The following NVL variants were observed in gnomAD, a reference collection of about 807,000 sequenced individuals.
NVL encodes nuclear VCP like, also known as nuclear valosin-containing protein-like.
In NVL, 84 loss-of-function variants were observed where a neutral mutation model predicts 110.2. That is an observed-to-expected ratio of 0.76 (90% CI 0.64 to 0.91). The LOEUF (loss-of-function observed/expected upper bound fraction) is 0.91. Ranked by LOEUF, NVL falls within the 40% of genes least tolerant of loss-of-function variation. The pLI, the probability that NVL is intolerant of heterozygous loss-of-function variation, is 0.00. For missense variants in NVL, 882 were observed against 1,035.9 expected, an observed-to-expected ratio of 0.85 and a Z score of 2.04; for synonymous variants, 354 against 361.1, an observed-to-expected ratio of 0.98 and a Z score of 0.22.
At position 224,289,636 on chromosome 1, in the gene NVL, T is replaced by C. The variant is rs1400408901; in HGVS notation, c.1423A>G (p.Met475Val). Residue 475 changes from methionine (M) to valine (V), a missense_variant, in exon 13 of 23, where the codon ATG becomes GTG. Met to Val is a conservative substitution (Grantham distance 21, BLOSUM62 1). Coordinates refer to ENST00000281701, the MANE Select transcript of NVL (RefSeq NM_002533.4). ...ATTGCTGCCTCTCGGCACAGTGCCA[T>C]GAGATCAGCACCAACAAAGCCTGGA... ...LTPGFVGADL[M>V]ALCREAAMCA... 3.2e-6 allele frequency: 5 copies of C among 1,572,654 alleles called. No individual in the cohort carries two copies. The highest frequency in any genetic ancestry group is 1.3e-5 in the African/African-American group (1 of 74,168).
intron 18 of NVL, among the ~76,000 whole-genome samples, chr1:224,255,489 G>T (rs1029456999): frequency 2.6e-5 from 4 of 152,190 alleles, no homozygotes; most frequent in Non-Finnish European, 4.4e-5. Context: ...ACCGCGCCTG[G>T]CCTAAAATGG....
intron 2 of NVL, among the ~76,000 whole-genome samples, chr1:224,321,388 G>C (rs534003602): frequency 6.6e-6 from 1 of 152,318 alleles, no homozygotes; most frequent in African/African-American, 2.4e-5. Flanking sequence ...ACCTGGATAA[G>C]AGAAGATGGC....
chr1:224,269,037 G>A (rs561779315), intron 17 of NVL, among the ~76,000 whole-genome samples: 1 of 149,854 alleles, frequency 6.7e-6, no homozygotes, highest in East Asian at 2.0e-4. Flanking sequence ...TTTAAAGCCA[G>A]TCAAATTTAA....
chr1:224,319,072 A>T (rs1183798655), intron 2 of NVL, among the ~76,000 whole-genome samples: 1 of 136,492 alleles, frequency 7.3e-6, no homozygotes, highest in Non-Finnish European at 1.6e-5. Context: ...GGAGAATCCC[A>T]TGAACCCAGG....
chr1:224,322,954 CA>C (rs1399466132), intron 2 of NVL, among the ~76,000 whole-genome samples: 55 of 137,420 alleles, frequency 4.0e-4, no homozygotes, highest in Non-Finnish European at 3.3e-4. Context: ...ACTCCATCTC[CA>C]AAAAAAAAAA....
intron 12 of NVL, among the ~76,000 whole-genome samples, chr1:224,293,403 C>T (rs1452247194): frequency 6.6e-6 from 1 of 152,158 alleles, no homozygotes; most frequent in Non-Finnish European, 1.5e-5. Flanking sequence ...CACTCTACCA[C>T]CTCAACAGTG....
chr1:224,233,693 C>T (rs768598233), intron 20 of NVL, among the ~76,000 whole-genome samples: 4 of 151,900 alleles, frequency 2.6e-5, no homozygotes, highest in African/African-American at 4.8e-5. Flanking sequence ...CGGGAGGTGG[C>T]GGTTGCAATG....
chr1:224,243,467 A>G (rs1661440448), intron 19 of NVL, among the ~76,000 whole-genome samples: 1 of 152,072 alleles, frequency 6.6e-6, no homozygotes, highest in Admixed American at 6.6e-5. Flanking sequence ...TCTCAACAAC[A>G]ACAACAACAA....
intron 1 of NVL, 124 bp downstream of exon 1, chr1:224,329,947 C>T (rs1161333859): frequency 2.1e-6 from 2 of 950,652 alleles, no homozygotes; most frequent in Non-Finnish European, 3.3e-6. Flanking sequence ...GACGCACGCC[C>T]AGACCCAGAC....
chr1:224,318,051 G>T, intron 2 of NVL, 121 bp from the exon 3 acceptor site: 1 of 565,832 alleles, frequency 1.8e-6, no homozygotes, highest in Non-Finnish European at 3.0e-6. Context: ...ATAGACACTT[G>T]CCATAACCCT....
chr1:224,320,908 C>T (rs1670580229), intron 2 of NVL, among the ~76,000 whole-genome samples: 1 of 152,110 alleles, frequency 6.6e-6, no homozygotes, highest in South Asian at 2.1e-4. Flanking sequence ...TACTTCAAAA[C>T]ACAAAGTTTT....
At position 224,227,546 on chromosome 1, in the gene NVL, G is replaced by C; in HGVS notation, c.*80C>G. On this transcript the variant is annotated 3_prime_UTR_variant, in exon 23 of 23. Transcript: ENST00000281701. ...CATGAGGCCGCGCCTGTGTCCAGCT[G>C]AAAGTGGGTCCTTCAGAGCGTGTGG... 1 of 1,314,854 alleles carries C rather than the reference G, an allele frequency of 7.6e-7. No homozygotes were observed. The highest frequency in any genetic ancestry group is 1.3e-5 in the South Asian group (1 of 74,636). The allele number at this position is 1,314,854 out of a possible 1,614,324, so 81.4% of individuals were successfully genotyped here. A position where few individuals can be genotyped will look rare whatever the true frequency, so the allele number is the denominator to read the frequency against.
intron 4 of NVL, among the ~76,000 whole-genome samples, chr1:224,313,846 TA>T (rs1006075023): frequency 2.4e-4 from 37 of 151,898 alleles, no homozygotes; most frequent in African/African-American, 8.9e-4. Flanking sequence ...CTACTAAACA[TA>T]CAAAAATTGG....
chr1:224,276,103 A>G (rs759089313), intron 16 of NVL, among the ~76,000 whole-genome samples: 5 of 152,216 alleles, frequency 3.3e-5, no homozygotes, highest in Non-Finnish European at 7.3e-5. Flanking sequence ...TGTAAGGATT[A>G]TTTCACTTTT....
intron 2 of NVL, among the ~76,000 whole-genome samples, chr1:224,323,598 C>T (rs1670864685): frequency 6.6e-6 from 1 of 152,170 alleles, no homozygotes; most frequent in Admixed American, 6.5e-5. Context: ...TTCCAGGATT[C>T]TATAGGACAG....
rs376278916 is a variant in NVL, at chr1:224,326,371, C to T, written c.131+20G>A. ...AAGGAGACATAAAAATCCAAGGATC[C>T]GGAAACTATATTTATTTACCTGTAC... On this transcript the variant is annotated intron_variant, in intron 2 of 22. Coordinates refer to ENST00000281701, the MANE Select transcript of NVL (RefSeq NM_002533.4). The T allele has an allele frequency of 3.6e-5, 57 of 1,563,132 alleles. No individual in the cohort carries two copies. Among genetic ancestry groups the T allele is most frequent in the Middle Eastern group, 1.7e-4 (1 of 5,940 alleles).
intron 5 of NVL, among the ~76,000 whole-genome samples, chr1:224,310,178 CAAAAA>C (rs1230097656): frequency 1.5e-3 from 57 of 39,210 alleles, no homozygotes; most frequent in African/African-American, 4.5e-3. Flanking sequence ...GACTCCCTCG[CAAAAA>C]AAAAAAAAAA....
chr1:224,238,683 T>C (rs770382871), intron 19 of NVL, among the ~76,000 whole-genome samples: 2 of 152,182 alleles, frequency 1.3e-5, no homozygotes, highest in Non-Finnish European at 2.9e-5. Flanking sequence ...AGGGTCAGAA[T>C]GTAGGATTGC....
intron 18 of NVL, among the ~76,000 whole-genome samples, chr1:224,262,084 T>C (rs12725713): frequency 6.6e-6 from 1 of 151,898 alleles, no homozygotes; most frequent in African/African-American, 2.4e-5. Flanking sequence ...ACCTCAATAA[T>C]TGGGAAAAAA....
Sources: allele counts gnomAD v4.1 joint callset (sites outside exome capture counted in the v4.1 genomes callset), GRCh38; gene constraint gnomAD v4.1.1; transcripts MANE v1.5; gene names NCBI Gene and HGNC (gene_info 2026-07-23, HGNC 2026-07-21).